Variants in PRDM16 observed in about 807,000 individuals in gnomAD.
The protein encoded by PRDM16 is histone-lysine N-methyltransferase PRDM16.
PRDM16 carries 23 observed loss-of-function variants against 110.6 expected under a neutral mutation model. The ratio of observed to expected loss-of-function variants is 0.21; its 90% CI spans 0.15 to 0.29. The LOEUF (loss-of-function observed/expected upper bound fraction) is 0.29. Among genes scored for constraint, PRDM16 ranks in the 10% least tolerant of loss-of-function variants. PRDM16 has a pLI of 1.00. For synonymous variants in PRDM16, 799 were observed against 781.8 expected (o/e 1.02, Z -0.37); for missense variants, 1,615 against 1,794.3 (o/e 0.90, Z 1.81).
At chr1:3,220,074 T>G (rs1639118845) in intron 2 of PRDM16, among the ~76,000 whole-genome samples, 1 of 152,222 alleles carries the variant, frequency 6.6e-6, no homozygotes, top group Non-Finnish European at 1.5e-5. Context: ...TCAGAGGATC[T>G]AAATGGGTTT....
chr1:3,232,181 C>T (rs1300896491), intron 2 of PRDM16, among the ~76,000 whole-genome samples: 1 of 152,214 alleles, frequency 6.6e-6, no homozygotes, highest in African/African-American at 2.4e-5. Context: ...ATCTCCCTCT[C>T]CCTTCCCGCC....
chr1:3,279,329 C>A (rs1640659580), intron 3 of PRDM16, among the ~76,000 whole-genome samples: 1 of 152,236 alleles, frequency 6.6e-6, no homozygotes, highest in Non-Finnish European at 1.5e-5. Context: ...GGTAGATGTT[C>A]TCCCCTCAGA....
chr1:3,258,556 T>G (rs1485885619), intron 3 of PRDM16, among the ~76,000 whole-genome samples: 1 of 152,182 alleles, frequency 6.6e-6, no homozygotes, highest in Non-Finnish European at 1.5e-5. Context: ...AATTAAGTAA[T>G]AAAAAGCAAG....
At chr1:3,299,292 C>T (rs1641158784) in intron 3 of PRDM16, among the ~76,000 whole-genome samples, 1 of 147,142 alleles carries the variant, frequency 6.8e-6, no homozygotes, top group Admixed American at 6.8e-5. Flanking sequence ...AGATGCTATG[C>T]TGTGGCCATG....
chr1:3,202,312 T>C (rs927025716), intron 2 of PRDM16, among the ~76,000 whole-genome samples: 1 of 146,782 alleles, frequency 6.8e-6, no homozygotes, highest in Non-Finnish European at 1.5e-5. Flanking sequence ...TCCCCCATCT[T>C]CAGGGAGCAG....
intron 1 of PRDM16, among the ~76,000 whole-genome samples, chr1:3,087,402 G>A (rs1328687369): frequency 6.6e-6 from 1 of 152,220 alleles, no homozygotes; most frequent in Non-Finnish European, 1.5e-5. Flanking sequence ...GAGAGCAGGT[G>A]GACAGGAGTC....
chr1:3,377,945 C>A (rs375617016), intron 3 of PRDM16, among the ~76,000 whole-genome samples: 39 of 152,338 alleles, frequency 2.6e-4, no homozygotes, highest in African/African-American at 8.7e-4. Flanking sequence ...CTCAGGCCTG[C>A]CCCGAGAGAC....
At position 3,412,558 on chromosome 1, in the gene PRDM16, C is replaced by A. The variant is rs556518291; in HGVS notation, c.2361C>A (p.Pro787=). 4 of 1,611,658 alleles carry A rather than the reference C, an allele frequency of 2.5e-6. No individual in the cohort carries two copies. The South Asian group carries it at 4.4e-5, about 18-fold the overall frequency. ...CCAAAGACGTGAAGCCCATCCTGCC[C>A]ATGCCCAAGGGCCCCTCGGCCCCCG... ...TKPKDVKPIL[P]MPKGPSAPAS... Residue 787 remains proline, a synonymous_variant, in exon 9 of 17, where the codon CCC becomes CCA. Coordinates refer to ENST00000270722, the MANE Select transcript of PRDM16 (RefSeq NM_022114.4).
intron 1 of PRDM16, among the ~76,000 whole-genome samples, chr1:3,126,624 G>A (rs1403015363): frequency 6.6e-6 from 1 of 152,170 alleles, no homozygotes; most frequent in African/African-American, 2.4e-5. Context: ...GCAGAGGGCT[G>A]GGGACTGGAC....
chr1:3,172,988 C>T (rs1402817982), intron 1 of PRDM16, among the ~76,000 whole-genome samples: 1 of 152,234 alleles, frequency 6.6e-6, no homozygotes, highest in African/African-American at 2.4e-5. Context: ...CACGCTGTCA[C>T]GATGCCAGAT....
At chr1:3,432,513 CG>C (rs1274393391) in intron 16 of PRDM16, among the ~76,000 whole-genome samples, 1 of 152,196 alleles carries the variant, frequency 6.6e-6, no homozygotes, top group Non-Finnish European at 1.5e-5. Flanking sequence ...GGGCTTTTCC[CG>C]GGGGAAGAGC....
intron 1 of PRDM16, among the ~76,000 whole-genome samples, chr1:3,174,425 G>T (rs116291011): frequency 3.3e-5 from 5 of 152,220 alleles, no homozygotes; most frequent in South Asian, 4.1e-4. Flanking sequence ...CTTGGGAGCC[G>T]CTGGCCAGCC....
chr1:3,150,276 C>T lies in PRDM16; in HGVS notation c.38-35849C>T, dbSNP rs143920699. ...GCTATCTAAAAATTGAGGTTTGGGG[C>T]CGGGCATAGTGGGTCACGCCTGTAA... On this transcript the variant is annotated intron_variant, in intron 1 of 16. Transcript: ENST00000270722. Among the ~76,000 whole-genome samples, 10 of 152,164 alleles carry T rather than the reference C, an allele frequency of 6.6e-5. No homozygotes were observed. The East Asian group carries it at 1.9e-3, about 29-fold the overall frequency.
intron 3 of PRDM16, among the ~76,000 whole-genome samples, chr1:3,250,254 C>T (rs894024061): frequency 1.3e-5 from 2 of 152,208 alleles, no homozygotes; most frequent in Non-Finnish European, 2.9e-5. Context: ...CCACAGCTCC[C>T]GTGGCCTCCA....
chr1:3,410,232 C>G (rs6670123), intron 8 of PRDM16, among the ~76,000 whole-genome samples: 20,427 of 152,086 alleles, frequency 0.13, 1,460 homozygotes, highest in Middle Eastern at 0.23. Context: ...AAAAGACAAG[C>G]TGGTGATTCG....
intron 1 of PRDM16, among the ~76,000 whole-genome samples, chr1:3,089,331 C>T (rs1642220828): frequency 6.6e-6 from 1 of 152,228 alleles, no homozygotes; most frequent in African/African-American, 2.4e-5. Flanking sequence ...CGTTGGGACC[C>T]CTGGGACCCA....
chr1:3,178,524 C>T lies in PRDM16; in HGVS notation c.38-7601C>T, dbSNP rs540819597. 6.6e-4 allele frequency among the ~76,000 whole-genome samples: 101 copies of T among 152,302 alleles called. 1 individual carries two copies. In the Middle Eastern group the frequency reaches 0.027, roughly 41 times the overall value. The stretch of plus-strand genomic sequence containing the variant: ...CTGGAGGCTGCCGCTTGCTTTTCTC[C>T]GCCTGGGTGGCAAACGTGTGTACTT... On this transcript the variant is annotated intron_variant, in intron 1 of 16. Transcript: ENST00000270722.
intron 2 of PRDM16, among the ~76,000 whole-genome samples, chr1:3,240,026 AGAGGAGAG>A (rs1207742996): frequency 7.5e-6 from 1 of 133,274 alleles, no homozygotes; most frequent in Non-Finnish European, 1.6e-5. Flanking sequence ...GAGAGAGAGA[AGAGGAGAG>A]GAGAAGAGGA....
At position 3,129,355 on chromosome 1, in the gene PRDM16, G is replaced by A. The variant is rs569126257; in HGVS notation, c.38-56770G>A. On this transcript the variant is annotated intron_variant, in intron 1 of 16. Coordinates refer to ENST00000270722, the MANE Select transcript of PRDM16 (RefSeq NM_022114.4). ...GTGTCCTGCCTGGTTGTGTGTGTGT[G>A]CGCACGTGGGTGAGTGTGTGGGTGC... 2.8e-5 allele frequency among the ~76,000 whole-genome samples: 4 copies of A among 145,374 alleles called. No individual in the cohort carries two copies. In the East Asian group the frequency reaches 6.2e-4, roughly 23 times the overall value.
Sources: gnomAD v4.1 joint callset for allele counts (sites outside exome capture counted in the v4.1 genomes callset) on GRCh38, gnomAD v4.1.1 for gene constraint, MANE v1.5 for transcripts, NCBI Gene and HGNC (gene_info 2026-07-23, HGNC 2026-07-21) for gene names.